Variants in CTNNA1 observed in about 807,000 individuals in gnomAD.
CTNNA1 encodes catenin alpha-1.
In CTNNA1, 37 loss-of-function variants were observed where a neutral mutation model predicts 98.4. The ratio of observed to expected loss-of-function variants is 0.38; its 90% CI spans 0.29 to 0.49. CTNNA1 has a LOEUF of 0.49. Among genes scored for constraint, CTNNA1 ranks in the 20% least tolerant of loss-of-function variants. CTNNA1 has a pLI of 0.95. For synonymous variants in CTNNA1, 404 were observed against 413.2 expected (o/e 0.98, Z 0.27); for missense variants, 761 against 1,147.2 (o/e 0.66, Z 4.86).
chr5:138,819,214 G>A (rs1210263633), intron 5 of CTNNA1, among the ~76,000 whole-genome samples: 2 of 152,158 alleles, frequency 1.3e-5, no homozygotes, highest in Non-Finnish European at 2.9e-5. Flanking sequence ...TAGGCCCCCG[G>A]ATGGTGGAGC....
intron 1 of CTNNA1, among the ~76,000 whole-genome samples, chr5:138,765,174 G>C (rs1021227803): frequency 7.9e-5 from 12 of 151,406 alleles, no homozygotes; most frequent in Non-Finnish European, 1.0e-4. Flanking sequence ...CCAAATAGCT[G>C]GGATTACAGG....
intron 5 of CTNNA1, among the ~76,000 whole-genome samples, chr5:138,824,022 G>A (rs1486745567): frequency 7.0e-6 from 1 of 142,084 alleles, no homozygotes; most frequent in African/African-American, 2.6e-5. Context: ...CTCATAATAA[G>A]TCTTACTCTG....
chr5:138,823,951 C>T (rs1254994810), intron 5 of CTNNA1, among the ~76,000 whole-genome samples: 13 of 36,442 alleles, frequency 3.6e-4, no homozygotes, highest in Admixed American at 3.4e-3. Context: ...AGCGAGACTC[C>T]GTCTCAAAAA....
intron 7 of CTNNA1, among the ~76,000 whole-genome samples, chr5:138,845,784 T>A (rs180825729): frequency 9.8e-5 from 15 of 152,344 alleles, no homozygotes; most frequent in Middle Eastern, 3.4e-3. Flanking sequence ...TTAGAGCTTT[T>A]AAGCTTATAA....
intron 10 of CTNNA1, among the ~76,000 whole-genome samples, chr5:138,917,021 G>A (rs913103901): frequency 1.3e-5 from 2 of 152,086 alleles, no homozygotes; most frequent in Non-Finnish European, 2.9e-5. Flanking sequence ...TGATTTGACC[G>A]CCTTGGCCTC....
chr5:138,886,149 A>G lies in CTNNA1; in HGVS notation c.1063-63A>G, dbSNP rs1001693727. ...AGTGTTGACATGAGCACAAATGGCT[A>G]TAGGCTATCATTAGGTTTCTTTGTA... is the stretch of plus-strand genomic sequence containing the variant. On this transcript the variant is annotated intron_variant, in intron 7 of 17. Coordinates refer to ENST00000302763, the MANE Select transcript of CTNNA1 (RefSeq NM_001903.5). The G allele has an allele frequency of 3.2e-6, 5 of 1,563,048 alleles. No homozygotes were observed. The African/African-American group carries it at 6.9e-5, about 21-fold the overall frequency.
chr5:138,916,726 G>C (rs999174090), intron 10 of CTNNA1, among the ~76,000 whole-genome samples: 4 of 148,792 alleles, frequency 2.7e-5, no homozygotes, highest in African/African-American at 9.8e-5. Flanking sequence ...GTCTCACTAT[G>C]TTATCCAGGC....
chr5:138,767,794 G>A (rs1753101367), intron 1 of CTNNA1, among the ~76,000 whole-genome samples: 2 of 152,266 alleles, frequency 1.3e-5, no homozygotes, highest in East Asian at 3.9e-4. Flanking sequence ...TCTTTAGCAT[G>A]TTATTCTGAA....
chr5:138,893,919 G>A (rs1052219783), intron 9 of CTNNA1, among the ~76,000 whole-genome samples: 1 of 148,868 alleles, frequency 6.7e-6, no homozygotes, highest in Non-Finnish European at 1.5e-5. Context: ...ACCGCGCCTG[G>A]CCTATTTATT....
chr5:138,764,681 G>A (rs1331547944), intron 1 of CTNNA1, among the ~76,000 whole-genome samples: 1 of 151,630 alleles, frequency 6.6e-6, no homozygotes, highest in Non-Finnish European at 1.5e-5. Flanking sequence ...ATGTTGGTCA[G>A]GCTGGTCTCG....
intron 7 of CTNNA1, among the ~76,000 whole-genome samples, chr5:138,883,929 T>C (rs1753485572): frequency 6.6e-6 from 1 of 152,230 alleles, no homozygotes; most frequent in Non-Finnish European, 1.5e-5. Context: ...AGTAAATAAT[T>C]GCACGTCTCA....
chr5:138,889,828 A>G (rs1754962759), intron 9 of CTNNA1, among the ~76,000 whole-genome samples: 1 of 152,198 alleles, frequency 6.6e-6, no homozygotes, highest in Non-Finnish European at 1.5e-5. Context: ...TTACGGTAAT[A>G]GAGACACTAG....
chr5:138,856,733 T>A (rs1281985261), intron 7 of CTNNA1, among the ~76,000 whole-genome samples: 1 of 152,178 alleles, frequency 6.6e-6, no homozygotes, highest in African/African-American at 2.4e-5. Flanking sequence ...GGCAGAAGGG[T>A]GGATTTTACT....
intron 7 of CTNNA1, among the ~76,000 whole-genome samples, chr5:138,856,223 G>A (rs147207108): frequency 6.6e-6 from 1 of 152,260 alleles, no homozygotes; most frequent in African/African-American, 2.4e-5. Flanking sequence ...AGCCATTAAT[G>A]AACCTCTTGT....
intron 7 of CTNNA1, among the ~76,000 whole-genome samples, chr5:138,862,828 G>A (rs1436851570): frequency 6.6e-6 from 1 of 152,204 alleles, no homozygotes; most frequent in Non-Finnish European, 1.5e-5. Flanking sequence ...AGACTAGAAA[G>A]TAGGGTTTTA....
At chr5:138,846,134 T>A (rs999997377) in intron 7 of CTNNA1, among the ~76,000 whole-genome samples, 1 of 152,152 alleles carries the variant, frequency 6.6e-6, no homozygotes, top group African/African-American at 2.4e-5. Context: ...TTCATACTTT[T>A]AGAGACAGGG....
chr5:138,929,191 T>C, intron 13 of CTNNA1, 55 bp from the exon 14 acceptor site: 3 of 951,718 alleles, frequency 3.2e-6, no homozygotes, highest in Non-Finnish European at 5.2e-6. Flanking sequence ...TCAGGGTGGC[T>C]GGGGGCTGGT....
chr5:138,763,685 G>T (rs1020261973), intron 1 of CTNNA1, among the ~76,000 whole-genome samples: 20 of 152,208 alleles, frequency 1.3e-4, no homozygotes, highest in Non-Finnish European at 2.5e-4. Context: ...TGTGAAATAT[G>T]ATGGTGCAGT....
chr5:138,785,684 C>A (rs1013705535), intron 3 of CTNNA1, among the ~76,000 whole-genome samples: 1 of 152,174 alleles, frequency 6.6e-6, no homozygotes, highest in Non-Finnish European at 1.5e-5. Context: ...CCTCAGCTTC[C>A]CAAGTAGCTG....
Sources: gnomAD v4.1 joint callset for allele counts (sites outside exome capture counted in the v4.1 genomes callset) on GRCh38, gnomAD v4.1.1 for gene constraint, MANE v1.5 for transcripts, NCBI Gene and HGNC (gene_info 2026-07-23, HGNC 2026-07-21) for gene names.